Variants in NREP observed in about 807,000 individuals in gnomAD.
NREP encodes the protein neuronal regeneration related protein, also known as neuronal regeneration-related protein.
In NREP, 5 loss-of-function variants were observed where a neutral mutation model predicts 8.6. The observed-to-expected ratio is 0.58, with a 90% CI of 0.30 to 1.22. The LOEUF is 1.22. NREP is among the 50% of genes most tolerant of loss of function. The pLI, the probability that NREP is intolerant of heterozygous loss-of-function variation, is 0.07. For missense variants in NREP, 86 were observed against 82.5 expected (o/e 1.04, Z -0.17); for synonymous variants, 27 against 28.0 (o/e 0.96, Z 0.11).
At chr5:111,905,939 T>C (rs1754769187) in intron 2 of NREP, among the ~76,000 whole-genome samples, 1 of 152,102 alleles carries the variant, frequency 6.6e-6, no homozygotes, top group Non-Finnish European at 1.5e-5. Flanking sequence ...GTAATATTTA[T>C]ATTGGTTTTT....
At chr5:111,971,456 C>A (rs1458226979) in intron 2 of NREP, among the ~76,000 whole-genome samples, 1 of 152,156 alleles carries the variant, frequency 6.6e-6, no homozygotes, top group African/African-American at 2.4e-5. Flanking sequence ...AGGCATCACA[C>A]TACCTGACTT....
chr5:111,924,581 G>A (rs1186189111), intron 2 of NREP, among the ~76,000 whole-genome samples: 1 of 152,124 alleles, frequency 6.6e-6, no homozygotes, highest in Non-Finnish European at 1.5e-5. Context: ...GCCTCAATGA[G>A]GCAGAGGTCC....
chr5:111,745,280 T>A (rs934888645), intron 2 of NREP, among the ~76,000 whole-genome samples: 2 of 152,206 alleles, frequency 1.3e-5, no homozygotes, highest in African/African-American at 4.8e-5. Flanking sequence ...TCAGGGAACC[T>A]GCCCAAGGTC....
intron 2 of NREP, among the ~76,000 whole-genome samples, chr5:111,771,301 G>GTT (rs1751220787): frequency 6.6e-6 from 1 of 152,030 alleles, no homozygotes; most frequent in African/African-American, 2.4e-5. Context: ...TTAGGCATTC[G>GTT]TTAACTCATT....
intron 2 of NREP, among the ~76,000 whole-genome samples, chr5:111,965,459 A>G (rs1022846236): frequency 3.3e-5 from 5 of 152,178 alleles, no homozygotes; most frequent in African/African-American, 1.2e-4. Context: ...TTTTATTATG[A>G]AAAATGAAAT....
chr5:111,865,287 A>G (rs1184866323), intron 2 of NREP, among the ~76,000 whole-genome samples: 2 of 152,190 alleles, frequency 1.3e-5, no homozygotes, highest in Non-Finnish European at 2.9e-5. Context: ...TAGCTCACAC[A>G]ACAAGACAAC....
intron 2 of NREP, among the ~76,000 whole-genome samples, chr5:111,815,031 C>T (rs1364287003): frequency 1.3e-5 from 2 of 151,342 alleles, no homozygotes; most frequent in East Asian, 3.9e-4. Flanking sequence ...AGCGAGGAAT[C>T]TTAGAGAAGT....
chr5:111,933,715 G>A (rs1266864376), intron 2 of NREP, among the ~76,000 whole-genome samples: 2 of 152,064 alleles, frequency 1.3e-5, no homozygotes, highest in Non-Finnish European at 2.9e-5. Context: ...TCTGAGAAGG[G>A]TATCACTGAG....
At chr5:111,773,960 C>A (rs992074611) in intron 2 of NREP, among the ~76,000 whole-genome samples, 2 of 152,024 alleles carry the variant, frequency 1.3e-5, no homozygotes, top group African/African-American at 4.8e-5. Flanking sequence ...GGCTCTTACC[C>A]GTGGGGGAGG....
intron 2 of NREP, among the ~76,000 whole-genome samples, chr5:111,791,412 G>A (rs7710348): frequency 0.99 from 150,132 of 152,284 alleles, 74,048 homozygotes; most frequent in East Asian, 1. Context: ...CTCCGCTTCT[G>A]TAAGTCTGAT....
chr5:111,755,994 TGGCCTATAGGCTTAACTAAG>T, intron 1 of NREP, 164 bp from the exon 2 acceptor site: 1 of 1,419,142 alleles, frequency 7.0e-7, no homozygotes, highest in Non-Finnish European at 9.2e-7. Flanking sequence ...GCTTTCCAAG[TGGCCTATAGGCTTAACTAAG>T]GGACAAAGGA....
At chr5:111,755,703 G>T in intron 2 of NREP, 67 bp downstream of exon 2, 1 of 1,535,306 alleles carries the variant, frequency 6.5e-7, no homozygotes, top group Non-Finnish European at 9.0e-7. Context: ...GAAGATGGGT[G>T]GTTGATATTT....
At chr5:111,757,742 C>A, upstream of NREP, 3 of 984,258 alleles carry the variant, frequency 3.0e-6, no homozygotes, top group Non-Finnish European at 3.6e-6. Flanking sequence ...CCCGGGAGCA[C>A]GGCGCGCGCA....
chr5:111,951,397 T>C (rs574656633), intron 2 of NREP, among the ~76,000 whole-genome samples: 130 of 152,218 alleles, frequency 8.5e-4, no homozygotes, highest in African/African-American at 3.0e-3. Flanking sequence ...GAACAATGCC[T>C]GTAGCCTAAA....
chr5:111,879,675 G>T (rs997714114), intron 2 of NREP, among the ~76,000 whole-genome samples: 1 of 152,128 alleles, frequency 6.6e-6, no homozygotes, highest in Non-Finnish European at 1.5e-5. Context: ...ACCGTAGACT[G>T]GACAACTTAA....
intron 2 of NREP, among the ~76,000 whole-genome samples, chr5:111,747,126 G>A (rs551489540): frequency 6.6e-6 from 1 of 152,094 alleles, no homozygotes; most frequent in Non-Finnish European, 1.5e-5. Flanking sequence ...ACTTCGTGGA[G>A]GAAATAGTTA....
intron 2 of NREP, among the ~76,000 whole-genome samples, chr5:111,773,051 CTA>C (rs1303412009): frequency 6.6e-6 from 1 of 152,100 alleles, no homozygotes; most frequent in Non-Finnish European, 1.5e-5. Context: ...CATACATCAT[CTA>C]TATGTCTCTA....
chr5:111,969,147 A>ACTTC (rs1165852512), intron 2 of NREP, among the ~76,000 whole-genome samples: 6 of 152,236 alleles, frequency 3.9e-5, no homozygotes, highest in African/African-American at 1.2e-4. Context: ...CCAGCCTAAA[A>ACTTC]ATGTTTCTAA....
rs1274750750 is a variant in NREP, at chr5:111,805,855, T to C, written c.136-70348A>G. ...ATAAATAAATTCAGGAGATCGACTG[T>C]ACCGCATGGCAATTATCATTAATAA... On this transcript the variant is annotated intron_variant, in intron 2 of 3. Transcript: ENST00000395634. Among the ~76,000 whole-genome samples, 8 of 152,282 alleles carry C rather than the reference T, an allele frequency of 5.3e-5. No homozygotes were observed. In the East Asian group the frequency reaches 5.8e-4, roughly 11 times the overall value.
Sources: allele counts gnomAD v4.1 joint callset (sites outside exome capture counted in the v4.1 genomes callset), GRCh38; gene constraint gnomAD v4.1.1; transcripts MANE v1.5; gene names NCBI Gene and HGNC (gene_info 2026-07-23, HGNC 2026-07-21).